Variants in ZNF652 observed in about 807,000 individuals in gnomAD.
ZNF652 encodes zinc finger protein 652.
In ZNF652, 16 loss-of-function variants were observed where a neutral mutation model predicts 45.2. That is an observed-to-expected ratio of 0.35 (90% CI 0.24 to 0.54). The LOEUF (loss-of-function observed/expected upper bound fraction) is 0.54, where lower values mean the gene tolerates loss of function less well. Among genes scored for constraint, ZNF652 ranks in the 20% least tolerant of loss-of-function variants. The pLI, the probability that ZNF652 is intolerant of heterozygous loss-of-function variation, is 0.91. For missense variants in ZNF652, 614 were observed against 765.6 expected (o/e 0.80, Z 2.34); for synonymous variants, 250 against 260.6 (o/e 0.96, Z 0.39).
chr17:49,330,737 C>T (rs1489986806), intron 1 of ZNF652, among the ~76,000 whole-genome samples: 3 of 151,754 alleles, frequency 2.0e-5, no homozygotes, highest in East Asian at 3.9e-4. Flanking sequence ...TAACTGATAT[C>T]CTGCCTATTA....
chr17:49,327,733 ATAT>A, intron 1 of ZNF652, among the ~76,000 whole-genome samples: 1 of 5,558 alleles, frequency 1.8e-4, no homozygotes, highest in East Asian at 4.8e-3. Flanking sequence ...ATAAATAAAT[ATAT>A]ATATATATAT....
intron 1 of ZNF652, among the ~76,000 whole-genome samples, chr17:49,353,175 T>C (rs770943963): frequency 6.6e-5 from 10 of 152,214 alleles, no homozygotes; most frequent in Non-Finnish European, 1.5e-4. Context: ...GAAGTACCTA[T>C]AAATTTCAAA....
chr17:49,332,987 A>G (rs1322958923), intron 1 of ZNF652, among the ~76,000 whole-genome samples: 1 of 152,108 alleles, frequency 6.6e-6, no homozygotes, highest in Non-Finnish European at 1.5e-5. Flanking sequence ...ACAGTGAGTT[A>G]TAACTGCACC....
intron 1 of ZNF652, among the ~76,000 whole-genome samples, chr17:49,346,798 T>C (rs1352231921): frequency 2.0e-5 from 3 of 152,206 alleles, no homozygotes; most frequent in Non-Finnish European, 4.4e-5. Flanking sequence ...ACCAAGTCCC[T>C]TGTGGGCAGG....
At chr17:49,303,872 C>T (rs935967930) in intron 5 of ZNF652, among the ~76,000 whole-genome samples, 2 of 151,544 alleles carry the variant, frequency 1.3e-5, no homozygotes, top group African/African-American at 4.9e-5. Flanking sequence ...CTAATCATCT[C>T]TCATTTGCAG....
intron 1 of ZNF652, among the ~76,000 whole-genome samples, chr17:49,348,486 AAAGAAAAG>A (rs2070232540): frequency 2.5e-5 from 1 of 39,868 alleles, no homozygotes; most frequent in Non-Finnish European, 5.6e-5. Context: ...TCAAAAAAGA[AAAGAAAAG>A]AAAAGAAAAG....
At chr17:49,336,865 C>T (rs899768993) in intron 1 of ZNF652, among the ~76,000 whole-genome samples, 7 of 151,418 alleles carry the variant, frequency 4.6e-5, no homozygotes, top group African/African-American at 1.7e-4. Context: ...CGAGAACAGC[C>T]CACCTCAGCC....
chr17:49,345,422 G>A (rs1045305933), intron 1 of ZNF652, among the ~76,000 whole-genome samples: 9 of 151,162 alleles, frequency 6.0e-5, no homozygotes, highest in African/African-American at 2.2e-4. Flanking sequence ...AGCTAGTCGA[G>A]AAATCCTGAT....
chr17:49,323,056 T>C (rs1413536188), intron 1 of ZNF652, among the ~76,000 whole-genome samples: 1 of 152,170 alleles, frequency 6.6e-6, no homozygotes, highest in African/African-American at 2.4e-5. Flanking sequence ...AAGACAACAA[T>C]GAAATTTGCT....
At chr17:49,304,533 C>T (rs2069600902) in intron 5 of ZNF652, among the ~76,000 whole-genome samples, 3 of 152,120 alleles carry the variant, frequency 2.0e-5, no homozygotes, top group Non-Finnish European at 4.4e-5. Flanking sequence ...TTAAAATCAA[C>T]TACCTGTACA....
intron 1 of ZNF652, among the ~76,000 whole-genome samples, chr17:49,331,049 G>A (rs1423997604): frequency 2.7e-5 from 4 of 146,688 alleles, no homozygotes; most frequent in Non-Finnish European, 6.0e-5. Context: ...AGCCTGGGCA[G>A]TAAGAGCAAA....
chr17:49,299,986 G>A (rs2069530300), intron 5 of ZNF652, among the ~76,000 whole-genome samples: 1 of 151,894 alleles, frequency 6.6e-6, no homozygotes, highest in African/African-American at 2.4e-5. Flanking sequence ...GCCCTGCCCT[G>A]TAAGCAATTT....
intron 2 of ZNF652, among the ~76,000 whole-genome samples, chr17:49,313,973 C>CAAAAAAAAAAAAAAAAAAAAA (rs71144595): frequency 3.5e-4 from 8 of 22,874 alleles, no homozygotes; most frequent in Admixed American, 7.9e-4. Context: ...AACTCCATCT[C>CAAAAAAAAAAAAAAAAAAAAA]AAAAAAAAAA....
In ZNF652 at chr17:49,296,740, TA is replaced by T. The variant is rs150471719; in HGVS notation, c.*1672del. 6.6e-3 allele frequency: 985 copies of T among 148,946 alleles called. 78 individuals are homozygous for T. The East Asian group carries it at 0.16, about 25-fold the overall frequency. The allele number at this position is 148,946 out of a possible 1,614,324, so 9.2% of individuals were successfully genotyped here. On this transcript the variant is annotated 3_prime_UTR_variant, in exon 6 of 6. Coordinates refer to ENST00000430262, the MANE Select transcript of ZNF652 (RefSeq NM_001145365.3). ...GGCAACATAGCAAGACCTTGTCTCTTAAAAAAAAAATTGGAGAGGGGGTGGG... is the reference window on the plus strand; with the variant it reads ...GGCAACATAGCAAGACCTTGTCTCTTAAAAAAAAATTGGAGAGGGGGTGGG...
intron 1 of ZNF652, among the ~76,000 whole-genome samples, chr17:49,333,741 A>AAAAG (rs1567693116): frequency 9.3e-5 from 13 of 139,172 alleles, no homozygotes; most frequent in African/African-American, 2.1e-4. Flanking sequence ...AAAAAAAAAA[A>AAAAG]AAGAAGATAT....
intron 5 of ZNF652, among the ~76,000 whole-genome samples, chr17:49,307,208 G>A (rs186786154): frequency 1.5e-3 from 222 of 152,022 alleles, no homozygotes; most frequent in African/African-American, 5.0e-3. Context: ...GCTGAGGCGG[G>A]TGGATCACCT....
intron 4 of ZNF652, 145 bp downstream of exon 4, chr17:49,311,782 G>A (rs1201296615): frequency 2.6e-5 from 17 of 648,408 alleles, no homozygotes; most frequent in East Asian, 1.9e-4. Flanking sequence ...CAGTGACAGC[G>A]CACACAGAGC....
intron 5 of ZNF652, among the ~76,000 whole-genome samples, chr17:49,306,066 A>G (rs958011468): frequency 6.6e-6 from 1 of 152,206 alleles, no homozygotes; most frequent in African/African-American, 2.4e-5. Context: ...TTCTTATTTA[A>G]TATCAAGAAA....
chr17:49,361,437 CG>C (rs2070392395), intron 1 of ZNF652, among the ~76,000 whole-genome samples: 1 of 151,944 alleles, frequency 6.6e-6, no homozygotes, highest in Non-Finnish European at 1.5e-5. Flanking sequence ...GTACATCAGA[CG>C]CATTTTATCT....
Sources: allele counts gnomAD v4.1 joint callset (sites outside exome capture counted in the v4.1 genomes callset), GRCh38; gene constraint gnomAD v4.1.1; transcripts MANE v1.5; gene names NCBI Gene and HGNC (gene_info 2026-07-23, HGNC 2026-07-21).